SLC15A5: variants seen among roughly 807,000 people sequenced by gnomAD.
SLC15A5 encodes the protein solute carrier family 15 member 5.
A neutral mutation model predicts 56.1 loss-of-function variants in SLC15A5; 58 were observed. That is an observed-to-expected ratio of 1.03 (90% CI 0.84 to 1.29). The LOEUF (loss-of-function observed/expected upper bound fraction) is 1.29. Among genes scored for constraint, SLC15A5 ranks in the 50% most tolerant of loss-of-function variants. SLC15A5 has a pLI of 0.00. For missense variants in SLC15A5, 681 were observed against 672.1 expected (o/e 1.01, Z -0.15); for synonymous variants, 264 against 250.5 (o/e 1.05, Z -0.51).
At chr12:16,210,247 A>G (rs1864066062) in intron 7 of SLC15A5, among the ~76,000 whole-genome samples, 1 of 152,168 alleles carries the variant, frequency 6.6e-6, no homozygotes, top group Non-Finnish European at 1.5e-5. Flanking sequence ...ATGCATGTGC[A>G]TGTGTCTCTA....
intron 5 of SLC15A5, 50 bp downstream of exon 5, chr12:16,239,631 T>C: frequency 1.3e-6 from 2 of 1,501,456 alleles, no homozygotes; most frequent in Non-Finnish European, 8.9e-7. Context: ...CAGAATGTTG[T>C]TTTAAAAAAG....
At chr12:16,258,088 T>C in intron 2 of SLC15A5, among the ~76,000 whole-genome samples, 1 of 152,188 alleles carries the variant, frequency 6.6e-6, no homozygotes, top group South Asian at 2.1e-4. Context: ...TTAGAATCGA[T>C]ATAGAAAGAA....
At chr12:16,221,076 A>G (rs1283437567) in intron 6 of SLC15A5, among the ~76,000 whole-genome samples, 4 of 152,234 alleles carry the variant, frequency 2.6e-5, no homozygotes, top group East Asian at 1.9e-4. Context: ...TCCTTGCTCA[A>G]TGCCATCAAT....
At chr12:16,200,996 G>A (rs1165520663) in intron 7 of SLC15A5, among the ~76,000 whole-genome samples, 7 of 152,092 alleles carry the variant, frequency 4.6e-5, no homozygotes, top group African/African-American at 1.7e-4. Flanking sequence ...ATCAGAATAT[G>A]TAACAACAGA....
At chr12:16,194,485 T>C in intron 7 of SLC15A5, 32 bp from the exon 8 acceptor site, 1 of 1,371,518 alleles carries the variant, frequency 7.3e-7, no homozygotes. Flanking sequence ...GTTATTCAAC[T>C]GCAGAGTTGT....
intron 4 of SLC15A5, among the ~76,000 whole-genome samples, chr12:16,241,156 T>G (rs1406991267): frequency 2.6e-5 from 4 of 152,132 alleles, no homozygotes; most frequent in Non-Finnish European, 5.9e-5. Flanking sequence ...TAATTCCCAG[T>G]GGTACACAAA....
chr12:16,192,701 A>G (rs1863848630), intron 8 of SLC15A5, among the ~76,000 whole-genome samples: 1 of 152,044 alleles, frequency 6.6e-6, no homozygotes, highest in Non-Finnish European at 1.5e-5. Context: ...TGCCATTTCT[A>G]CCTGAACTCT....
At chr12:16,210,412 A>C (rs1864068334) in intron 7 of SLC15A5, among the ~76,000 whole-genome samples, 1 of 152,206 alleles carries the variant, frequency 6.6e-6, no homozygotes, top group Non-Finnish European at 1.5e-5. Flanking sequence ...GCAAATATGG[A>C]ATCTATTCTT....
chr12:16,216,871 C>T (rs1310256486), intron 7 of SLC15A5, 22 bp downstream of exon 7: 2 of 1,530,100 alleles, frequency 1.3e-6, no homozygotes, highest in African/African-American at 1.4e-5. Context: ...TGTATATAAG[C>T]ATGCCACGAA....
rs1238502091 is a variant in SLC15A5, at chr12:16,224,509, G to A, written c.1256C>T (p.Ser419Leu). The change falls in exon 6 of 9, where the codon TCA (serine) becomes TTA (leucine). Residue 419 changes from serine to leucine, a missense_variant. By Grantham distance (145) the Ser-to-Leu change is moderately radical. Coordinates refer to ENST00000344941, the MANE Select transcript of SLC15A5 (RefSeq NM_001170798.1). ...GGAGGAAACAGTGAGAACTTTTCCTGAAAGGGGCTGCTCCACTGCAGGGAA... is the reference window on the plus strand; with the variant it reads ...GGAGGAAACAGTGAGAACTTTTCCTAAAAGGGGCTGCTCCACTGCAGGGAA... Reference protein sequence around the residue: ...KHFPAVEQPLSGKVLTVSSMP... With the variant: ...KHFPAVEQPLLGKVLTVSSMP... 2.0e-6 allele frequency: 3 copies of A among 1,537,230 alleles called. No individual in the cohort carries two copies. Among genetic ancestry groups the A allele is most frequent in the Non-Finnish European group, 2.6e-6 (3 of 1,146,898 alleles).
intron 2 of SLC15A5, among the ~76,000 whole-genome samples, chr12:16,258,195 CTG>C (rs919485673): frequency 1.3e-5 from 2 of 152,124 alleles, no homozygotes; most frequent in Non-Finnish European, 2.9e-5. Context: ...CATACAGTCT[CTG>C]TAGCACTGTG....
At chr12:16,218,167 T>G (rs936200059) in intron 6 of SLC15A5, among the ~76,000 whole-genome samples, 1 of 152,180 alleles carries the variant, frequency 6.6e-6, no homozygotes, top group African/African-American at 2.4e-5. Flanking sequence ...AAATTATTGA[T>G]GCTAGAAGAT....
At chr12:16,252,377 T>G (rs1350032278) in intron 3 of SLC15A5, among the ~76,000 whole-genome samples, 1 of 152,012 alleles carries the variant, frequency 6.6e-6, no homozygotes, top group African/African-American at 2.4e-5. Context: ...GCGCCTCTGT[T>G]CACAGACGGC....
rs1032564350 is a variant in SLC15A5, at chr12:16,270,564, C to T, written c.584+1997G>A. ...ATCCATGATTTAGCAATAATCATAA[C>T]AATAGCTATCATAATTTGATACCTA... On this transcript the variant is annotated intron_variant, in intron 2 of 8. Coordinates refer to ENST00000344941, the MANE Select transcript of SLC15A5 (RefSeq NM_001170798.1). Among the ~76,000 whole-genome samples the T allele has an allele frequency of 5.3e-5, 8 of 152,254 alleles. No individual in the cohort carries two copies. In the East Asian group the frequency reaches 1.5e-3, roughly 29 times the overall value.
chr12:16,219,202 A>T (rs1864162449), intron 6 of SLC15A5, among the ~76,000 whole-genome samples: 1 of 152,142 alleles, frequency 6.6e-6, no homozygotes, highest in African/African-American at 2.4e-5. Context: ...CTGATTGGAG[A>T]TGAAGATAAT....
chr12:16,198,328 GT>G (rs1474662684), intron 7 of SLC15A5, among the ~76,000 whole-genome samples: 3 of 152,198 alleles, frequency 2.0e-5, no homozygotes, highest in Non-Finnish European at 2.9e-5. Context: ...GACAGGCAAA[GT>G]GTAATTATTC....
chr12:16,221,791 G>C (rs904954983), intron 6 of SLC15A5, among the ~76,000 whole-genome samples: 2 of 152,126 alleles, frequency 1.3e-5, no homozygotes, highest in Non-Finnish European at 2.9e-5. Flanking sequence ...TGTACACCAG[G>C]AGAACAAAGG....
chr12:16,258,803 A>G (rs903009962), intron 2 of SLC15A5, among the ~76,000 whole-genome samples: 3 of 151,960 alleles, frequency 2.0e-5, no homozygotes, highest in African/African-American at 4.8e-5. Flanking sequence ...AGAAACCCCA[A>G]TTATCTCTGC....
At chr12:16,238,736 C>T (rs577158382) in intron 5 of SLC15A5, among the ~76,000 whole-genome samples, 2 of 151,774 alleles carry the variant, frequency 1.3e-5, no homozygotes, top group African/African-American at 4.8e-5. Flanking sequence ...GAGGATAAGA[C>T]ATTAGGTTAC....
Sources: gnomAD v4.1 joint callset for allele counts (sites outside exome capture counted in the v4.1 genomes callset) on GRCh38, gnomAD v4.1.1 for gene constraint, MANE v1.5 for transcripts, NCBI Gene and HGNC (gene_info 2026-07-23, HGNC 2026-07-21) for gene names.